Variants in CNTN3 observed in about 807,000 individuals in gnomAD.
CNTN3 encodes contactin-3.
Under a neutral mutation model 119.1 loss-of-function variants are expected in CNTN3, and 60 were observed. That is an observed-to-expected ratio of 0.50 (90% CI 0.41 to 0.62). The LOEUF (loss-of-function observed/expected upper bound fraction) is 0.62. CNTN3 is among the 20% of genes least tolerant of loss of function. The pLI is 0.00. For missense variants in CNTN3, 1,101 were observed against 1,242.4 expected (o/e 0.89, Z 1.71); for synonymous variants, 450 against 438.7 (o/e 1.03, Z -0.32).
chr3:74,451,365 G>GT (rs1559609137), intron 4 of CNTN3, among the ~76,000 whole-genome samples: 1 of 151,930 alleles, frequency 6.6e-6, no homozygotes, highest in African/African-American at 2.4e-5. Flanking sequence ...GGGGTTGTTT[G>GT]TTTTTTTCTT....
At chr3:74,332,678 T>C (rs1196040878) in intron 13 of CNTN3, among the ~76,000 whole-genome samples, 2 of 152,220 alleles carry the variant, frequency 1.3e-5, no homozygotes, top group South Asian at 2.1e-4. Context: ...TCATTACACA[T>C]TTATTTAGCA....
At chr3:74,405,962 G>A (rs1410586503) in intron 5 of CNTN3, among the ~76,000 whole-genome samples, 1 of 152,036 alleles carries the variant, frequency 6.6e-6, no homozygotes, top group African/African-American at 2.4e-5. Context: ...TATTAGTAAG[G>A]ATACTGCTTT....
At chr3:74,572,822 G>A (rs1203581184) in intron 1 of CNTN3, among the ~76,000 whole-genome samples, 1 of 152,218 alleles carries the variant, frequency 6.6e-6, no homozygotes, top group Admixed American at 6.5e-5. Flanking sequence ...CTTATGAGAA[G>A]CCAGGGGAAG....
chr3:74,442,236 C>T (rs1409419554), intron 4 of CNTN3, among the ~76,000 whole-genome samples: 1 of 151,684 alleles, frequency 6.6e-6, no homozygotes, highest in African/African-American at 2.4e-5. Context: ...CTTATGGTGG[C>T]CTACCACCAT....
intron 5 of CNTN3, among the ~76,000 whole-genome samples, chr3:74,385,844 C>G (rs1280698269): frequency 6.6e-6 from 1 of 152,194 alleles, no homozygotes; most frequent in Non-Finnish European, 1.5e-5. Flanking sequence ...AAATATACTT[C>G]AGCCAAATAG....
chr3:74,390,369 C>CTTTT (rs34399433), intron 5 of CNTN3, among the ~76,000 whole-genome samples: 1 of 123,274 alleles, frequency 8.1e-6, no homozygotes, highest in Non-Finnish European at 1.7e-5. Context: ...TGAGAGTATG[C>CTTTT]TTTTTTTTTT....
chr3:74,608,139 C>A (rs1705023121), intron 1 of CNTN3, among the ~76,000 whole-genome samples: 1 of 152,160 alleles, frequency 6.6e-6, no homozygotes, highest in Non-Finnish European at 1.5e-5. Context: ...GCAAGCTGTA[C>A]CCCAGAGATG....
At chr3:74,381,554 T>G (rs1029710491) in intron 5 of CNTN3, among the ~76,000 whole-genome samples, 1 of 152,186 alleles carries the variant, frequency 6.6e-6, no homozygotes, top group Non-Finnish European at 1.5e-5. Flanking sequence ...TTATAGGCTT[T>G]GAGAAAAGTG....
intron 5 of CNTN3, among the ~76,000 whole-genome samples, chr3:74,419,873 G>A (rs1294124582): frequency 6.6e-6 from 1 of 152,078 alleles, no homozygotes; most frequent in African/African-American, 2.4e-5. Flanking sequence ...TGAAAACAGG[G>A]TAATTTTTCT....
At chr3:74,559,222 C>T (rs2323570) in intron 1 of CNTN3, among the ~76,000 whole-genome samples, 111,050 of 151,938 alleles carry the variant, frequency 0.73, 41,300 homozygotes, top group Non-Finnish European at 0.8. Flanking sequence ...TTCTCAACAG[C>T]AAAATGAGGA....
intron 4 of CNTN3, among the ~76,000 whole-genome samples, chr3:74,432,635 T>G (rs1209594898): frequency 1.3e-5 from 2 of 152,234 alleles, no homozygotes; most frequent in African/African-American, 2.4e-5. Flanking sequence ...CCTTTCTTCC[T>G]GCCTTATGGC....
At chr3:74,595,026 T>C (rs1704777672) in intron 1 of CNTN3, among the ~76,000 whole-genome samples, 1 of 152,146 alleles carries the variant, frequency 6.6e-6, no homozygotes, top group Admixed American at 6.6e-5. Flanking sequence ...GTGGTTTTGA[T>C]TTGCATTTCT....
At chr3:74,452,917 C>T (rs200298094) in intron 4 of CNTN3, among the ~76,000 whole-genome samples, 21,529 of 149,628 alleles carry the variant, frequency 0.14, 1,779 homozygotes, top group East Asian at 0.44. Flanking sequence ...ATTCGGTTTG[C>T]CAGTATTTTA....
chr3:74,604,559 G>C (rs569845929), intron 1 of CNTN3, among the ~76,000 whole-genome samples: 1 of 152,146 alleles, frequency 6.6e-6, no homozygotes, highest in East Asian at 1.9e-4. Flanking sequence ...ATATGAAAAG[G>C]TGTTCAACCT....
intron 1 of CNTN3, among the ~76,000 whole-genome samples, chr3:74,567,520 T>A (rs1704246396): frequency 6.6e-6 from 1 of 151,938 alleles, no homozygotes; most frequent in Non-Finnish European, 1.5e-5. Flanking sequence ...TTTCAACACG[T>A]TTGAGTTCCT....
intron 20 of CNTN3, among the ~76,000 whole-genome samples, chr3:74,275,698 A>T (rs669034): frequency 6.6e-6 from 1 of 151,992 alleles, no homozygotes; most frequent in Non-Finnish European, 1.5e-5. Flanking sequence ...ACCTATAAAA[A>T]AAAAATACAA....
At position 74,285,292 on chromosome 3, in the gene CNTN3, A is replaced by G; in HGVS notation, c.2704+13T>C. On this transcript the variant is annotated intron_variant, in intron 20 of 22. Transcript: ENST00000263665. Reference sequence around the variant, plus strand: ...ATTTTCCGTACCATTCAAAGAAATCAGAATATACTTACGCGTTTTCTTGGT... The same window carrying G: ...ATTTTCCGTACCATTCAAAGAAATCGGAATATACTTACGCGTTTTCTTGGT... 6.3e-7 allele frequency: 1 copy of G among 1,586,502 alleles called. No individual in the cohort carries two copies. Among genetic ancestry groups the G allele is most frequent in the Non-Finnish European group, 8.6e-7 (1 of 1,169,480 alleles).
intron 5 of CNTN3, among the ~76,000 whole-genome samples, chr3:74,409,467 T>A: frequency 1.3e-5 from 1 of 78,122 alleles, no homozygotes; most frequent in South Asian, 3.4e-4. Flanking sequence ...GATCCATGAA[T>A]CATTTCTTTG....
intron 4 of CNTN3, among the ~76,000 whole-genome samples, chr3:74,434,364 A>G (rs1701832655): frequency 6.6e-6 from 1 of 152,232 alleles, no homozygotes; most frequent in Non-Finnish European, 1.5e-5. Flanking sequence ...TGGTTTCATA[A>G]CGATTCCTGT....
Sources: gnomAD v4.1 joint callset for allele counts (sites outside exome capture counted in the v4.1 genomes callset) on GRCh38, gnomAD v4.1.1 for gene constraint, MANE v1.5 for transcripts, NCBI Gene and HGNC (gene_info 2026-07-23, HGNC 2026-07-21) for gene names.